Variants in RNASE10 observed in about 807,000 individuals in gnomAD.
RNASE10 encodes the protein ribonuclease A family member 10 (inactive), also known as inactive ribonuclease-like protein 10.
RNASE10 carries 2 observed loss-of-function variants against 1.1 expected under a neutral mutation model. The ratio of observed to expected loss-of-function variants is 1.82; its 90% CI spans 0.74 to 5.73. The LOEUF (loss-of-function observed/expected upper bound fraction) is 5.73, where lower values mean the gene tolerates loss of function less well. Ranked by LOEUF, RNASE10 falls within the 30% of genes most tolerant of loss-of-function variation. RNASE10 has a pLI of 0.05. For synonymous variants in RNASE10, 97 were observed against 96.2 expected, an observed-to-expected ratio of 1.01 and a Z score of -0.05; for missense variants, 276 against 263.4, an observed-to-expected ratio of 1.05 and a Z score of -0.33.
At chr14:20,510,341 G>A in intron 1 of RNASE10, 126 bp from the exon 2 acceptor site, 4 of 1,389,064 alleles carry the variant, frequency 2.9e-6, no homozygotes, top group Non-Finnish European at 3.9e-6. Flanking sequence ...GAAGAGGGTA[G>A]AGTAATGTGC....
intron 1 of RNASE10, among the ~76,000 whole-genome samples, chr14:20,506,724 G>T (rs1882736782): frequency 8.0e-6 from 1 of 125,312 alleles, no homozygotes; most frequent in African/African-American, 3.1e-5. Flanking sequence ...GGGGGGGTCA[G>T]CCCCCCGCCC....
intron 1 of RNASE10, among the ~76,000 whole-genome samples, chr14:20,508,976 A>ATTT (rs879789023): frequency 6.8e-6 from 1 of 147,056 alleles, no homozygotes; most frequent in African/African-American, 2.5e-5. Flanking sequence ...CTTCATAGCA[A>ATTT]TTTTTTTTTT....
At chr14:20,508,173 A>G (rs1351438459) in intron 1 of RNASE10, among the ~76,000 whole-genome samples, 1 of 152,148 alleles carries the variant, frequency 6.6e-6, no homozygotes, top group African/African-American at 2.4e-5. Flanking sequence ...TTTCCTGCTT[A>G]ATATTTCAGT....
downstream of RNASE10, chr14:20,511,239 C>T (rs1268860303): frequency 1.2e-6 from 1 of 828,586 alleles, no homozygotes; most frequent in Non-Finnish European, 1.7e-6. Context: ...TCTTCCTTGC[C>T]CTATGGGTCA....
upstream of RNASE10, among the ~76,000 whole-genome samples, chr14:20,505,295 C>G (rs1218396490): frequency 3.2e-5 from 2 of 62,144 alleles, no homozygotes; most frequent in Admixed American, 1.7e-4. Flanking sequence ...TCTCCCTCTC[C>G]CTCTCCCTCT....
chr14:20,513,409 C>G (rs1160581215), downstream of RNASE10, among the ~76,000 whole-genome samples: 1 of 152,154 alleles, frequency 6.6e-6, no homozygotes, highest in East Asian at 1.9e-4. Flanking sequence ...AGCTCAAATT[C>G]TGCCTCATTC....
downstream of RNASE10, among the ~76,000 whole-genome samples, chr14:20,511,948 A>G (rs1478568259): frequency 6.6e-6 from 1 of 151,784 alleles, no homozygotes; most frequent in Non-Finnish European, 1.5e-5. Context: ...CACTTATGCT[A>G]TGTTGGTCCT....
At chr14:20,511,145 C>T (rs1882891290) in exon 2 of RNASE10, 1 of 1,440,476 alleles carries the variant, frequency 6.9e-7, no homozygotes, top group Admixed American at 2.5e-5. Context: ...TCTTTTTTCT[C>T]TTCACCTTCT....
intron 1 of RNASE10, among the ~76,000 whole-genome samples, chr14:20,506,748 G>A (rs1443729274): frequency 4.2e-5 from 5 of 118,314 alleles, no homozygotes; most frequent in African/African-American, 1.4e-4. Context: ...CAGCCGCCCC[G>A]TCCGGGAGGG....
intron 1 of RNASE10, among the ~76,000 whole-genome samples, chr14:20,507,127 T>C (rs1236218974): frequency 4.2e-4 from 62 of 146,076 alleles, no homozygotes; most frequent in South Asian, 1.1e-3. Context: ...CAGCGGCTCA[T>C]TGGGGATGGG....
At chr14:20,511,272 G>A (rs1882894990), downstream of RNASE10, 3 of 564,518 alleles carry the variant, frequency 5.3e-6, no homozygotes, top group African/African-American at 1.9e-5. Flanking sequence ...TTTGTTCCTA[G>A]GATTAGAGAT....
downstream of RNASE10, among the ~76,000 whole-genome samples, chr14:20,512,024 G>A (rs1882911138): frequency 6.6e-6 from 1 of 152,034 alleles, no homozygotes; most frequent in Non-Finnish European, 1.5e-5. Context: ...TTAGAGGGGG[G>A]TGGGTCAAGA....
At chr14:20,504,506 T>C (rs1041019141), upstream of RNASE10, among the ~76,000 whole-genome samples, 6 of 151,238 alleles carry the variant, frequency 4.0e-5, no homozygotes, top group Non-Finnish European at 2.9e-5. Flanking sequence ...GCTAACACGG[T>C]GAAACCCCGT....
At position 20,507,626 on chromosome 14, in the gene RNASE10, A is replaced by AT. The variant is rs1343033806; in HGVS notation, c.79+1608dup. ...AATGATCAATTAAAAAAATAAATAA[A>AT]TAAATAAATAAAATTTTCAACTTTA... is the stretch of plus-strand genomic sequence containing the variant. On this transcript the variant is annotated intron_variant, in intron 1 of 1. Transcript: ENST00000430083. 1.7e-3 allele frequency among the ~76,000 whole-genome samples: 133 copies of AT among 77,388 alleles called. 5 individuals carry two copies. Among genetic ancestry groups the AT allele is most frequent in the African/African-American group, 6.0e-3 (129 of 21,344 alleles). 50.8% of individuals were successfully genotyped at this position (77,388 alleles called of 152,430 possible). A position where few individuals can be genotyped will look rare whatever the true frequency, so the allele number is the denominator to read the frequency against.
At chr14:20,506,878 C>G (rs1882746611) in intron 1 of RNASE10, among the ~76,000 whole-genome samples, 1 of 133,076 alleles carries the variant, frequency 7.5e-6, no homozygotes, top group Non-Finnish European at 1.6e-5. Flanking sequence ...TCTGCCCGGC[C>G]GCCCCTACTG....
chr14:20,508,752 A>T (rs1380003750), intron 1 of RNASE10, among the ~76,000 whole-genome samples: 1 of 152,142 alleles, frequency 6.6e-6, no homozygotes, highest in African/African-American at 2.4e-5. Context: ...GTATATTGTT[A>T]TAATTATTCT....
At chr14:20,512,720 A>G (rs1342858539), downstream of RNASE10, among the ~76,000 whole-genome samples, 1 of 152,128 alleles carries the variant, frequency 6.6e-6, no homozygotes, top group Non-Finnish European at 1.5e-5. Context: ...AGGGAATTCT[A>G]ATAATAGTGG....
upstream of RNASE10, among the ~76,000 whole-genome samples, chr14:20,504,754 C>A (rs1289137021): frequency 1.4e-5 from 2 of 144,918 alleles, no homozygotes; most frequent in Admixed American, 1.4e-4. Flanking sequence ...CAGGCGCAGA[C>A]AGCATCACCA....
upstream of RNASE10, among the ~76,000 whole-genome samples, chr14:20,504,350 G>A (rs927131748): frequency 1.3e-5 from 2 of 152,182 alleles, no homozygotes; most frequent in African/African-American, 4.8e-5. Context: ...ATGCATGTAC[G>A]TAAGTCACAG....
Sources: allele counts gnomAD v4.1 joint callset (sites outside exome capture counted in the v4.1 genomes callset), GRCh38; gene constraint gnomAD v4.1.1; transcripts MANE v1.5; gene names NCBI Gene and HGNC (gene_info 2026-07-23, HGNC 2026-07-21).